The following GPHN variants were observed in gnomAD, a reference collection of about 807,000 sequenced individuals.
GPHN encodes the protein gephyrin.
GPHN carries 17 observed loss-of-function variants against 95.5 expected under a neutral mutation model. The ratio of observed to expected loss-of-function variants is 0.18; its 90% CI spans 0.12 to 0.27. GPHN has a LOEUF of 0.27. Ranked by LOEUF, GPHN falls within the 10% of genes least tolerant of loss-of-function variation. The pLI, the probability that GPHN is intolerant of heterozygous loss-of-function variation, is 1.00. For synonymous variants in GPHN, 320 were observed against 322.5 expected (o/e 0.99, Z 0.08); for missense variants, 660 against 978.1 (o/e 0.67, Z 4.34).
the GPHN span, among the ~76,000 whole-genome samples, chr14:67,448,120 CTTTTTTTTTTTTTTTTTTTTT>C: frequency 2.2e-4 from 8 of 36,050 alleles, no homozygotes; most frequent in East Asian, 2.4e-3. Context: ...ATAGCCCATT[CTTTTTTTTTTTTTTTTTTTTT>C]TTTTTTTTTT....
intron 4 of GPHN, among the ~76,000 whole-genome samples, chr14:66,874,496 G>A (rs1222800707): frequency 1.3e-5 from 2 of 152,142 alleles, no homozygotes; most frequent in Non-Finnish European, 2.9e-5. Context: ...ATGAAAGGAA[G>A]CTAAGAACCT....
the GPHN span, among the ~76,000 whole-genome samples, chr14:67,493,298 C>T: frequency 6.6e-6 from 1 of 152,210 alleles, no homozygotes; most frequent in Non-Finnish European, 1.5e-5. Context: ...AAGCATATGC[C>T]ATCACCTGTG....
At chr14:67,014,286 A>G (rs1227491230) in intron 9 of GPHN, among the ~76,000 whole-genome samples, 2 of 152,138 alleles carry the variant, frequency 1.3e-5, no homozygotes. Context: ...TTCTTTACAA[A>G]TATCTTATGA....
At chr14:66,720,020 A>G (rs1467336670) in intron 2 of GPHN, among the ~76,000 whole-genome samples, 1 of 152,176 alleles carries the variant, frequency 6.6e-6, no homozygotes, top group Non-Finnish European at 1.5e-5. Context: ...CTAGAAGGTT[A>G]TTTTAATTTA....
At chr14:66,716,909 G>A (rs1595669834) in intron 2 of GPHN, among the ~76,000 whole-genome samples, 1 of 152,122 alleles carries the variant, frequency 6.6e-6, no homozygotes, top group East Asian at 1.9e-4. Context: ...TCCCTTTATA[G>A]GTTACCTGGT....
chr14:67,039,791 T>C (rs2074606895), intron 10 of GPHN, among the ~76,000 whole-genome samples: 1 of 152,154 alleles, frequency 6.6e-6, no homozygotes, highest in Admixed American at 6.5e-5. Context: ...AGACCCTGTC[T>C]CAAAACAAAA....
intron 1 of GPHN, among the ~76,000 whole-genome samples, chr14:66,587,524 G>A (rs10146431): frequency 0.33 from 49,821 of 152,028 alleles, 12,020 homozygotes; most frequent in African/African-American, 0.66. Context: ...AGGATCTGTT[G>A]TCATGATCAA....
At chr14:66,852,689 A>G (rs1413281859) in intron 4 of GPHN, among the ~76,000 whole-genome samples, 1 of 152,242 alleles carries the variant, frequency 6.6e-6, no homozygotes, top group Non-Finnish European at 1.5e-5. Context: ...ACAGTAGTCA[A>G]GCTAATTGTC....
chr14:66,982,585 G>C (rs1478684171), intron 9 of GPHN, among the ~76,000 whole-genome samples: 1 of 152,084 alleles, frequency 6.6e-6, no homozygotes, highest in African/African-American at 2.4e-5. Flanking sequence ...GGATCCCATG[G>C]ATAATATCTT....
At chr14:66,596,271 C>G (rs1228582946) in intron 1 of GPHN, among the ~76,000 whole-genome samples, 1 of 152,074 alleles carries the variant, frequency 6.6e-6, no homozygotes, top group East Asian at 1.9e-4. Context: ...GAAAAAGCAC[C>G]AGAAGTTCTC....
At chr14:67,397,930 A>C in the GPHN span, 1 of 879,228 alleles carries the variant, frequency 1.1e-6, no homozygotes, top group Non-Finnish European at 1.7e-6. Flanking sequence ...GTGCTGTGGA[A>C]ATCAGTCTCC....
At chr14:66,872,960 A>G (rs574153094) in intron 4 of GPHN, among the ~76,000 whole-genome samples, 1 of 152,070 alleles carries the variant, frequency 6.6e-6, no homozygotes, top group African/African-American at 2.4e-5. Context: ...CACATCATTA[A>G]TTTTTTATTT....
chr14:66,977,666 CATG>C (rs2070351229), intron 9 of GPHN, among the ~76,000 whole-genome samples: 1 of 151,984 alleles, frequency 6.6e-6, no homozygotes, highest in Non-Finnish European at 1.5e-5. Context: ...TATTTAATGA[CATG>C]AGAAAATGCT....
chr14:67,190,158 A>G, the GPHN span, among the ~76,000 whole-genome samples: 1 of 140,268 alleles, frequency 7.1e-6, no homozygotes, highest in Non-Finnish European at 1.5e-5. Flanking sequence ...CAGGTGATCT[A>G]CCTGCCTCAG....
chr14:67,468,795 T>C, the GPHN span, among the ~76,000 whole-genome samples: 104 of 152,268 alleles, frequency 6.8e-4, no homozygotes, highest in Middle Eastern at 3.4e-3. Flanking sequence ...CTTGGGAGGC[T>C]GAGGCAGGAA....
the GPHN span, among the ~76,000 whole-genome samples, chr14:67,549,541 G>A: frequency 2.0e-5 from 3 of 152,154 alleles, no homozygotes; most frequent in South Asian, 6.2e-4. Flanking sequence ...AAAGTGCTGG[G>A]ATTACAGGTG....
the GPHN span, among the ~76,000 whole-genome samples, chr14:67,481,824 CT>C: frequency 6.6e-6 from 1 of 152,186 alleles, no homozygotes; most frequent in Admixed American, 6.5e-5. Context: ...CTGGGAAAGC[CT>C]GCTGCAGGGA....
the GPHN span, among the ~76,000 whole-genome samples, chr14:67,688,598 C>CTTT: frequency 5.9e-5 from 8 of 136,536 alleles, no homozygotes; most frequent in Non-Finnish European, 9.5e-5. Context: ...GCTTTGAACT[C>CTTT]TTTTTTTTTT....
chr14:66,795,855 A>G (rs2060137554), intron 3 of GPHN, among the ~76,000 whole-genome samples: 1 of 152,272 alleles, frequency 6.6e-6, no homozygotes, highest in South Asian at 2.1e-4. Context: ...ATACTCTTTT[A>G]GTTATTTTTA....
Sources: gnomAD v4.1 joint callset for allele counts (sites outside exome capture counted in the v4.1 genomes callset) on GRCh38, gnomAD v4.1.1 for gene constraint, MANE v1.5 for transcripts, NCBI Gene and HGNC (gene_info 2026-07-23, HGNC 2026-07-21) for gene names.